The following EIF5AL1 variants were observed in gnomAD, a reference collection of about 807,000 sequenced individuals.
The protein encoded by EIF5AL1 is eukaryotic translation initiation factor 5A-1-like.
EIF5AL1 carries 4 observed loss-of-function variants against 9.0 expected under a neutral mutation model. The observed-to-expected ratio is 0.45, with a 90% CI of 0.22 to 1.02. The LOEUF is 1.02. Ranked by LOEUF, EIF5AL1 falls within the 50% of genes least tolerant of loss-of-function variation. The pLI is 0.24. For synonymous variants in EIF5AL1, 40 were observed against 75.7 expected (o/e 0.53, Z 2.45); for missense variants, 58 against 194.1 (o/e 0.30, Z 4.17).
Position 79,512,995 on chromosome 10 carries a change from G to C in EIF5AL1, c.346G>C (p.Glu116Gln), listed in dbSNP as rs1304901680. The change falls in exon 1 of 1, where the codon GAG becomes CAG. Residue 116 changes from glutamate (E) to glutamine (Q), a missense_variant. Around this residue, in one of 2 missense-constraint regions of EIF5AL1, gnomAD observed 48 missense variants for 104.3 expected, o/e 0.46. Coordinates refer to ENST00000520547, the MANE Select transcript of EIF5AL1 (RefSeq NM_001099692.2). ...GGTACCAGAGGACCTTCGTCTCCCT[G>C]AGGGAGACCTTGGCAAGGAGATTGA... Reference protein sequence around the residue: ...GEVPEDLRLPEGDLGKEIEQK... With the variant: ...GEVPEDLRLPQGDLGKEIEQK... The C allele has an allele frequency of 6.2e-7, 1 of 1,612,164 alleles. No homozygotes were observed. The highest frequency in any genetic ancestry group is 1.3e-5 in the African/African-American group (1 of 74,606).
rs1167689398 is a variant in EIF5AL1, at chr10:79,514,656, C to G, written c.*1542C>G. The stretch of plus-strand genomic sequence containing the variant: ...AGTGTCTTACATTTAGCCAAAAAGA[C>G]TAGTCATGTGGCAGGAAAAATACAA... On this transcript the variant is annotated 3_prime_UTR_variant, in exon 1 of 1. Transcript: ENST00000520547. 1.2e-5 allele frequency: 2 copies of G among 167,076 alleles called. No individual in the cohort carries two copies. Among genetic ancestry groups the G allele is most frequent in the Non-Finnish European group, 2.9e-5 (2 of 68,184 alleles). 10.3% of individuals were successfully genotyped at this position (167,076 alleles called of 1,614,324 possible).
At position 79,512,538 on chromosome 10, in the gene EIF5AL1, A is replaced by C; in HGVS notation, c.-112A>C. On this transcript the variant is annotated 5_prime_UTR_variant, in exon 1 of 1. Coordinates refer to ENST00000520547, the MANE Select transcript of EIF5AL1 (RefSeq NM_001099692.2). The stretch of plus-strand genomic sequence containing the variant: ...AAAGACGTGTAAAATGCCTGGGTAG[A>C]GGCGGCGGCGGCGGCGGCGGCGGCG... 2.0e-6 allele frequency: 2 copies of C among 1,019,984 alleles called. No homozygotes were observed. Among genetic ancestry groups the C allele is most frequent in the Non-Finnish European group, 1.4e-6 (1 of 696,900 alleles). The allele number at this position is 1,019,984 out of a possible 1,614,324, so 63.2% of individuals were successfully genotyped here.
At position 79,512,572 on chromosome 10, in the gene EIF5AL1, G is replaced by A; in HGVS notation, c.-78G>A. 7 of 1,121,818 alleles carry A rather than the reference G, an allele frequency of 6.2e-6. No homozygotes were observed. The highest frequency in any genetic ancestry group is 8.9e-6 in the Non-Finnish European group (7 of 787,876). 69.5% of individuals were successfully genotyped at this position (1,121,818 alleles called of 1,614,324 possible). A position where few individuals can be genotyped will look rare whatever the true frequency, so the allele number is the denominator to read the frequency against. ...CGGCGGCGGCGGCGGCGGGCTCGGA[G>A]GCAGCGGTTGGGCTCGCGGCGAGCG... On this transcript the variant is annotated 5_prime_UTR_variant, in exon 1 of 1. Transcript: ENST00000520547.
rs1250787 is a variant in EIF5AL1, at chr10:79,514,578, A to G, written c.*1464A>G. 0.35 allele frequency: 57,650 copies of G among 165,544 alleles called. 10,514 individuals are homozygous for G. The highest frequency in any genetic ancestry group is 0.49 in the East Asian group (2,470 of 5,060). 10.3% of individuals were successfully genotyped at this position (165,544 alleles called of 1,614,324 possible). A position where few individuals can be genotyped will look rare whatever the true frequency, so the allele number is the denominator to read the frequency against. ...CCAGAAATAGACTCCCATCTTTTCT[A>G]CAGCAAGATAACGTGCTAGTAGGCC... On this transcript the variant is annotated 3_prime_UTR_variant, in exon 1 of 1. Transcript: ENST00000520547.
Position 79,513,849 on chromosome 10 carries a change from T to C in EIF5AL1, c.*735T>C, listed in dbSNP as rs1310695998. The C allele has an allele frequency of 4.2e-5, 7 of 167,290 alleles. No homozygotes were observed. Among genetic ancestry groups the C allele is most frequent in the Non-Finnish European group, 8.8e-5 (6 of 68,346 alleles). 10.4% of individuals were successfully genotyped at this position (167,290 alleles called of 1,614,324 possible). A position where few individuals can be genotyped will look rare whatever the true frequency, so the allele number is the denominator to read the frequency against. ...AAGAGAAAGTTCATGCACTTGTTTC[T>C]GACCACCCAGGGCACCCTTCAGCAC... On this transcript the variant is annotated 3_prime_UTR_variant, in exon 1 of 1. Transcript: ENST00000520547.
Position 79,514,224 on chromosome 10 carries a change from C to T in EIF5AL1, c.*1110C>T, listed in dbSNP as rs1858195187. 6.0e-6 allele frequency: 1 copy of T among 167,278 alleles called. No homozygotes were observed. Among genetic ancestry groups the T allele is most frequent in the South Asian group, 2.1e-4 (1 of 4,826 alleles). The allele number at this position is 167,278 out of a possible 1,614,324, so 10.4% of individuals were successfully genotyped here. A position where few individuals can be genotyped will look rare whatever the true frequency, so the allele number is the denominator to read the frequency against. On this transcript the variant is annotated 3_prime_UTR_variant, in exon 1 of 1. Coordinates refer to ENST00000520547, the MANE Select transcript of EIF5AL1 (RefSeq NM_001099692.2). The stretch of plus-strand genomic sequence containing the variant: ...TGAGGCCAAGATGGAGAAGAAGGAA[C>T]CCAGGACGAGGGTCAGCCTCACATT...
chr10:79,514,234 G>A lies in EIF5AL1; in HGVS notation c.*1120G>A, dbSNP rs1029071490. On this transcript the variant is annotated 3_prime_UTR_variant, in exon 1 of 1. Transcript: ENST00000520547. Reference sequence around the variant, plus strand: ...ATGGAGAAGAAGGAACCCAGGACGAGGGTCAGCCTCACATTTGGGGCTCAT... The same window carrying A: ...ATGGAGAAGAAGGAACCCAGGACGAAGGTCAGCCTCACATTTGGGGCTCAT... 25 of 167,246 alleles carry A rather than the reference G, an allele frequency of 1.5e-4. No individual in the cohort carries two copies. Among genetic ancestry groups the A allele is most frequent in the African/African-American group, 4.8e-4 (20 of 41,474 alleles). 10.4% of individuals were successfully genotyped at this position (167,246 alleles called of 1,614,324 possible). A position where few individuals can be genotyped will look rare whatever the true frequency, so the allele number is the denominator to read the frequency against.
rs887006517 is a variant in EIF5AL1, at chr10:79,512,569, G to C, written c.-81G>C. ...CGGCGGCGGCGGCGGCGGCGGGCTC[G>C]GAGGCAGCGGTTGGGCTCGCGGCGA... is the stretch of plus-strand genomic sequence containing the variant. On this transcript the variant is annotated 5_prime_UTR_variant, in exon 1 of 1. Transcript: ENST00000520547. The C allele has an allele frequency of 6.2e-6, 7 of 1,123,234 alleles. No individual in the cohort carries two copies. Among genetic ancestry groups the C allele is most frequent in the African/African-American group, 1.6e-5 (1 of 64,508 alleles). 69.6% of individuals were successfully genotyped at this position (1,123,234 alleles called of 1,614,324 possible).
At position 79,516,047 on chromosome 10, in the gene EIF5AL1, G is replaced by A. The variant is rs183356982; in HGVS notation, c.*2933G>A. 6.0e-6 allele frequency: 1 copy of A among 167,062 alleles called. No homozygotes were observed. The highest frequency in any genetic ancestry group is 2.4e-5 in the African/African-American group (1 of 41,440). The allele number at this position is 167,062 out of a possible 1,614,324, so 10.3% of individuals were successfully genotyped here. On this transcript the variant is annotated 3_prime_UTR_variant, in exon 1 of 1. Coordinates refer to ENST00000520547, the MANE Select transcript of EIF5AL1 (RefSeq NM_001099692.2). ...GGCCCAGTTTGCAGCTAGGAGAAAT[G>A]TCAAACACATGAAGAAATGAGAAGC...
At position 79,514,300 on chromosome 10, in the gene EIF5AL1, G is replaced by A. The variant is rs560243028; in HGVS notation, c.*1186G>A. On this transcript the variant is annotated 3_prime_UTR_variant, in exon 1 of 1. Coordinates refer to ENST00000520547, the MANE Select transcript of EIF5AL1 (RefSeq NM_001099692.2). ...CACTGAATTTCAGAAGGGACTAACT[G>A]AGATGCAAAGAAGCAGAGCAGCTTT... 1 of 167,254 alleles carries A rather than the reference G, an allele frequency of 6.0e-6. No individual in the cohort carries two copies. The highest frequency in any genetic ancestry group is 2.4e-5 in the African/African-American group (1 of 41,574). 10.4% of individuals were successfully genotyped at this position (167,254 alleles called of 1,614,324 possible).
rs1215104753 is a variant in EIF5AL1 at position 79,513,381 on chromosome 10, G to A, written c.*267G>A. The A allele has an allele frequency of 1.7e-6, 1 of 571,984 alleles. No individual in the cohort carries two copies. Among genetic ancestry groups the A allele is most frequent in the Non-Finnish European group, 3.2e-6 (1 of 314,220 alleles). The allele number at this position is 571,984 out of a possible 1,614,324, so 35.4% of individuals were successfully genotyped here. ...CCCTCACACTACAGCCCTGGTGGGG[G>A]AGAAGGGGGTGGGTGCTGCTTGTGG... is the stretch of plus-strand genomic sequence containing the variant. On this transcript the variant is annotated 3_prime_UTR_variant, in exon 1 of 1. Transcript: ENST00000520547.
At position 79,512,637 on chromosome 10, in the gene EIF5AL1, G is replaced by C; in HGVS notation, c.-13G>C. On this transcript the variant is annotated 5_prime_UTR_variant, in exon 1 of 1. Coordinates refer to ENST00000520547, the MANE Select transcript of EIF5AL1 (RefSeq NM_001099692.2). ...AGTGCCGTTTGCGCCAGTTGGAATC[G>C]AAGCCTCTTAAAATGGCAGATGATT... 1.0e-6 allele frequency: 1 copy of C among 1,004,238 alleles called. No individual in the cohort carries two copies. The highest frequency in any genetic ancestry group is 1.5e-5 in the South Asian group (1 of 65,572). The allele number at this position is 1,004,238 out of a possible 1,614,324, so 62.2% of individuals were successfully genotyped here.
rs1180142401 is a variant in EIF5AL1, at chr10:79,512,588, G to C, written c.-62G>C. The C allele has an allele frequency of 3.9e-5, 40 of 1,027,014 alleles. No homozygotes were observed. Among genetic ancestry groups the C allele is most frequent in the Non-Finnish European group, 5.2e-5 (37 of 709,036 alleles). The allele number at this position is 1,027,014 out of a possible 1,614,324, so 63.6% of individuals were successfully genotyped here. A position where few individuals can be genotyped will look rare whatever the true frequency, so the allele number is the denominator to read the frequency against. Reference sequence around the variant, plus strand: ...GGGCTCGGAGGCAGCGGTTGGGCTCGCGGCGAGCGGACGGGGTCGAGTCAG... The same window carrying C: ...GGGCTCGGAGGCAGCGGTTGGGCTCCCGGCGAGCGGACGGGGTCGAGTCAG... On this transcript the variant is annotated 5_prime_UTR_variant, in exon 1 of 1. Transcript: ENST00000520547.
rs1465403044 is a variant in EIF5AL1 at position 79,513,671 on chromosome 10, T to C, written c.*557T>C. The C allele has an allele frequency of 1.2e-5, 2 of 171,362 alleles. No individual in the cohort carries two copies. The highest frequency in any genetic ancestry group is 2.4e-5 in the African/African-American group (1 of 41,028). The allele number at this position is 171,362 out of a possible 1,614,324, so 10.6% of individuals were successfully genotyped here. A position where few individuals can be genotyped will look rare whatever the true frequency, so the allele number is the denominator to read the frequency against. On this transcript the variant is annotated 3_prime_UTR_variant, in exon 1 of 1. Transcript: ENST00000520547. ...GGCATCTGGGAAGGGCCTGCCCCCA[T>C]GGGCTTTACCCTTCCCTGCGGGCTC...
chr10:79,512,642 C>T lies in EIF5AL1; in HGVS notation c.-8C>T, dbSNP rs986448674. ...CGTTTGCGCCAGTTGGAATCGAAGCCTCTTAAAATGGCAGATGATTTGGAC... is the reference window on the plus strand; with the variant it reads ...CGTTTGCGCCAGTTGGAATCGAAGCTTCTTAAAATGGCAGATGATTTGGAC... On this transcript the variant is annotated 5_prime_UTR_variant, in exon 1 of 1. Transcript: ENST00000520547. 2.9e-6 allele frequency: 3 copies of T among 1,043,706 alleles called. No homozygotes were observed. The African/African-American group carries it at 4.8e-5, about 17-fold the overall frequency. The allele number at this position is 1,043,706 out of a possible 1,614,324, so 64.7% of individuals were successfully genotyped here.
chr10:79,515,633 C>T lies in EIF5AL1; in HGVS notation c.*2519C>T, dbSNP rs1858220894. 1.8e-5 allele frequency: 3 copies of T among 166,992 alleles called. No individual in the cohort carries two copies. The highest frequency in any genetic ancestry group is 4.8e-5 in the African/African-American group (2 of 41,398). 10.3% of individuals were successfully genotyped at this position (166,992 alleles called of 1,614,324 possible). A position where few individuals can be genotyped will look rare whatever the true frequency, so the allele number is the denominator to read the frequency against. ...CTACTCAGAGCCCACTTTCCCTTCC[C>T]TGACACCAGCTTCACTGAGGCTGGT... On this transcript the variant is annotated 3_prime_UTR_variant, in exon 1 of 1. Coordinates refer to ENST00000520547, the MANE Select transcript of EIF5AL1 (RefSeq NM_001099692.2).
At position 79,515,324 on chromosome 10, in the gene EIF5AL1, T is replaced by C. The variant is rs1475995824; in HGVS notation, c.*2210T>C. 31 of 218,448 alleles carry C rather than the reference T, an allele frequency of 1.4e-4. No homozygotes were observed. The highest frequency in any genetic ancestry group is 3.8e-3 in the Middle Eastern group (2 of 524). 13.5% of individuals were successfully genotyped at this position (218,448 alleles called of 1,614,324 possible). ...CTGCAGGCTTTCCCCTGTAAATCCG[T>C]GTTCTGTCATTGACATTTTGTGACT... On this transcript the variant is annotated 3_prime_UTR_variant, in exon 1 of 1. Coordinates refer to ENST00000520547, the MANE Select transcript of EIF5AL1 (RefSeq NM_001099692.2).
Position 79,514,590 on chromosome 10 carries a change from C to A in EIF5AL1, c.*1476C>A, listed in dbSNP as rs1345663158. On this transcript the variant is annotated 3_prime_UTR_variant, in exon 1 of 1. Coordinates refer to ENST00000520547, the MANE Select transcript of EIF5AL1 (RefSeq NM_001099692.2). ...TCCCATCTTTTCTACAGCAAGATAA[C>A]GTGCTAGTAGGCCTCAATTCATTGC... is the stretch of plus-strand genomic sequence containing the variant. 1 of 167,102 alleles carries A rather than the reference C, an allele frequency of 6.0e-6. No individual in the cohort carries two copies. Among genetic ancestry groups the A allele is most frequent in the African/African-American group, 2.4e-5 (1 of 41,430 alleles). The allele number at this position is 167,102 out of a possible 1,614,324, so 10.4% of individuals were successfully genotyped here. A position where few individuals can be genotyped will look rare whatever the true frequency, so the allele number is the denominator to read the frequency against.
At position 79,513,907 on chromosome 10, in the gene EIF5AL1, T is replaced by C. The variant is rs533866681; in HGVS notation, c.*793T>C. The C allele has an allele frequency of 2.7e-4, 45 of 167,266 alleles. No homozygotes were observed. The highest frequency in any genetic ancestry group is 3.4e-3 in the Middle Eastern group (1 of 296). The allele number at this position is 167,266 out of a possible 1,614,324, so 10.4% of individuals were successfully genotyped here. A position where few individuals can be genotyped will look rare whatever the true frequency, so the allele number is the denominator to read the frequency against. On this transcript the variant is annotated 3_prime_UTR_variant, in exon 1 of 1. Coordinates refer to ENST00000520547, the MANE Select transcript of EIF5AL1 (RefSeq NM_001099692.2). Reference sequence around the variant, plus strand: ...CTGGAGTGGCCTGAAGCAAGGAGTGTCTTGTGAGGTGCAGAGGATGCAATG... The same window carrying C: ...CTGGAGTGGCCTGAAGCAAGGAGTGCCTTGTGAGGTGCAGAGGATGCAATG...
Sources: gnomAD v4.1 joint callset for allele counts on GRCh38, gnomAD v4.1.1 for gene constraint, gnomAD v4.1.1 regional missense constraint, MANE v1.5 for transcripts, NCBI Gene and HGNC (gene_info 2026-07-23, HGNC 2026-07-21) for gene names.